The following ACBD6 variants were observed in gnomAD, a reference collection of about 807,000 sequenced individuals.
ACBD6 encodes acyl-CoA-binding domain-containing protein 6.
In ACBD6, 28 loss-of-function variants were observed where a neutral mutation model predicts 37.2. The observed-to-expected ratio is 0.75, with a 90% CI of 0.56 to 1.03. The LOEUF (loss-of-function observed/expected upper bound fraction) is 1.03. Ranked by LOEUF, ACBD6 falls within the 50% of genes least tolerant of loss-of-function variation. The probability of loss-of-function intolerance (pLI) is 0.00; values close to 1 mark genes in which losing one functional copy is unlikely to be tolerated. For synonymous variants in ACBD6, 113 were observed against 126.8 expected, an observed-to-expected ratio of 0.89 and a Z score of 0.73; for missense variants, 340 against 337.4, an observed-to-expected ratio of 1.01 and a Z score of -0.06.
intron 7 of ACBD6, among the ~76,000 whole-genome samples, chr1:180,299,309 C>T (rs1008956199): frequency 6.6e-6 from 1 of 152,036 alleles, no homozygotes; most frequent in Non-Finnish European, 1.5e-5. Flanking sequence ...AACATTTTAC[C>T]AAATTAATGA....
In ACBD6 at chr1:180,502,227, C is replaced by T. The variant is rs771990737; in HGVS notation, c.40G>A (p.Asp14Asn). ...CCTGAGCTCAGCTCTCCACCGCTGT[C>T]GCCGGTGATGGCCCCCGCGGGCAGG... ...SFLPAGAITG[D>N]SGGELSSGDD... The change falls in exon 1 of 8, where the codon GAC becomes AAC. Residue 14 changes from aspartate to asparagine, a missense_variant. Transcript: ENST00000367595. 2 of 1,613,838 alleles carry T rather than the reference C, an allele frequency of 1.2e-6. No homozygotes were observed. The highest frequency in any genetic ancestry group is 1.7e-6 in the Non-Finnish European group (2 of 1,180,040).
At chr1:180,278,252 A>AATT (rs1359316263) in intron 9 of ACBD6, 2 of 152,210 alleles carry the variant, frequency 1.3e-5, no homozygotes, top group Admixed American at 6.5e-5. Context: ...AGAAAAATTC[A>AATT]ATTAAGCGGA....
chr1:180,368,700 T>A lies in ACBD6; in HGVS notation c.663+28816A>T, dbSNP rs530063174. 2.7e-5 allele frequency among the ~76,000 whole-genome samples: 4 copies of A among 148,450 alleles called. No individual in the cohort carries two copies. The South Asian group carries it at 6.3e-4, about 24-fold the overall frequency. ...CTGAATGGTGGATAGTACCAAATCC[T>A]ACATATATTATTTTTTCATATATAT... is the stretch of plus-strand genomic sequence containing the variant. On this transcript the variant is annotated intron_variant, in intron 6 of 7. Transcript: ENST00000367595.
chr1:180,358,516 T>TAA (rs771226276), intron 6 of ACBD6, among the ~76,000 whole-genome samples: 1 of 136,394 alleles, frequency 7.3e-6, no homozygotes, highest in Non-Finnish European at 1.6e-5. Flanking sequence ...TGGTTATCCT[T>TAA]AAAAAAAAAA....
intron 2 of ACBD6, among the ~76,000 whole-genome samples, chr1:180,493,085 C>T (rs1046895896): frequency 4.6e-5 from 7 of 151,702 alleles, no homozygotes; most frequent in African/African-American, 1.5e-4. Context: ...CCCATCTCTA[C>T]TAAAGATACA....
intron 4 of ACBD6, 73 bp downstream of exon 4, chr1:180,430,107 G>A (rs1648753839): frequency 7.9e-7 from 1 of 1,261,124 alleles, no homozygotes; most frequent in African/African-American, 1.5e-5. Flanking sequence ...ACATACATAA[G>A]CACATACATA....
intron 6 of ACBD6, among the ~76,000 whole-genome samples, chr1:180,316,187 A>C (rs1259215675): frequency 6.6e-6 from 1 of 152,110 alleles, no homozygotes; most frequent in Non-Finnish European, 1.5e-5. Context: ...GACAATGTGA[A>C]GTTCTGCTCA....
intron 8 of ACBD6, among the ~76,000 whole-genome samples, chr1:180,282,766 T>A (rs1478671272): frequency 2.0e-5 from 3 of 148,096 alleles, no homozygotes; most frequent in Admixed American, 6.7e-5. Flanking sequence ...GTGCTGGCTT[T>A]AAAAAAAAAA....
intron 3 of ACBD6, among the ~76,000 whole-genome samples, chr1:180,491,915 T>G (rs1444604382): frequency 6.6e-6 from 1 of 152,196 alleles, no homozygotes; most frequent in Non-Finnish European, 1.5e-5. Context: ...GTTCAATTGA[T>G]TCCCCTGCCT....
chr1:180,413,314 G>A (rs1229131352), intron 5 of ACBD6, 52 bp downstream of exon 5: 78 of 1,405,982 alleles, frequency 5.5e-5, no homozygotes, highest in Non-Finnish European at 7.7e-5. Flanking sequence ...AAAGGCACTG[G>A]GGCAGAACAA....
In ACBD6 at chr1:180,495,596, G is replaced by A. The variant is rs1418706302; in HGVS notation, c.223-71C>T. On this transcript the variant is annotated intron_variant, in intron 1 of 7. Transcript: ENST00000367595. ...TCTGGGAAACTTTTCCTTTTCAAAT[G>A]TATTATGTATATTCAGTAACCATAG... The A allele has an allele frequency of 2.6e-5, 31 of 1,191,072 alleles. 1 individual carries two copies. In the South Asian group the frequency reaches 3.6e-4, roughly 14 times the overall value. The allele number at this position is 1,191,072 out of a possible 1,614,324, so 73.8% of individuals were successfully genotyped here.
chr1:180,486,403 C>G (rs1651264656), intron 3 of ACBD6, among the ~76,000 whole-genome samples: 1 of 152,176 alleles, frequency 6.6e-6, no homozygotes, highest in Non-Finnish European at 1.5e-5. Context: ...GGCTCTGACC[C>G]AAGAGTCTTA....
At position 180,444,445 on chromosome 1, in the gene ACBD6, C is replaced by T. The variant is rs74132852; in HGVS notation, c.385-14183G>A. On this transcript the variant is annotated intron_variant, in intron 3 of 7. Transcript: ENST00000367595. The stretch of plus-strand genomic sequence containing the variant: ...ATACACATGTTAGAATACACATGGT[C>T]ACAATGTTTTGTGGGGAAATAAAAA... Among the ~76,000 whole-genome samples the T allele has an allele frequency of 6.7e-3, 1,016 of 152,254 alleles. 17 individuals carry two copies. The highest frequency in any genetic ancestry group is 0.023 in the African/African-American group (971 of 41,554).
chr1:180,283,962 A>G (rs1339044250), downstream of ACBD6, among the ~76,000 whole-genome samples: 1 of 152,196 alleles, frequency 6.6e-6, no homozygotes, highest in Non-Finnish European at 1.5e-5. Context: ...CATTTCGGAT[A>G]AGGACTCGTC....
At chr1:180,346,124 C>G (rs527345219) in intron 6 of ACBD6, among the ~76,000 whole-genome samples, 22 of 152,092 alleles carry the variant, frequency 1.4e-4, no homozygotes, top group South Asian at 2.1e-4. Context: ...CAGGCTAGAT[C>G]GGTTAGATCT....
chr1:180,362,061 C>A (rs1445407725), intron 6 of ACBD6, among the ~76,000 whole-genome samples: 1 of 152,058 alleles, frequency 6.6e-6, no homozygotes, highest in Non-Finnish European at 1.5e-5. Context: ...TGAATCATCA[C>A]CTTAATAGAA....
At chr1:180,452,865 A>G (rs1281628248) in intron 3 of ACBD6, among the ~76,000 whole-genome samples, 5 of 152,218 alleles carry the variant, frequency 3.3e-5, no homozygotes, top group Non-Finnish European at 7.3e-5. Flanking sequence ...CTAAATCAGG[A>G]AGAAGTCGAA....
chr1:180,288,180 T>A (rs991437305), downstream of ACBD6: 3 of 760,914 alleles, frequency 3.9e-6, no homozygotes, highest in African/African-American at 5.3e-5. Flanking sequence ...TCACCAAAAC[T>A]GTACTGCCTA....
intron 5 of ACBD6, among the ~76,000 whole-genome samples, chr1:180,407,611 T>C (rs1647676491): frequency 6.6e-6 from 1 of 152,220 alleles, no homozygotes; most frequent in Non-Finnish European, 1.5e-5. Flanking sequence ...ATCCTTCTTT[T>C]TCTTCTTTTT....
Sources: gnomAD v4.1 joint callset for allele counts (sites outside exome capture counted in the v4.1 genomes callset) on GRCh38, gnomAD v4.1.1 for gene constraint, MANE v1.5 for transcripts, NCBI Gene and HGNC (gene_info 2026-07-23, HGNC 2026-07-21) for gene names.